RIMS2: variants seen among roughly 807,000 people sequenced by gnomAD.
RIMS2 encodes the protein regulating synaptic membrane exocytosis protein 2.
In RIMS2, 59 loss-of-function variants were observed where a neutral mutation model predicts 174.4. The observed-to-expected ratio is 0.34, with a 90% CI of 0.27 to 0.42. RIMS2 has a LOEUF of 0.42. Ranked by LOEUF, RIMS2 falls within the 10% of genes least tolerant of loss-of-function variation. The pLI is 1.00. For missense variants in RIMS2, 1,620 were observed against 1,666.3 expected (o/e 0.97, Z 0.48); for synonymous variants, 606 against 572.5 (o/e 1.06, Z -0.84).
At chr8:103,894,833 A>C (rs1390163628) in intron 4 of RIMS2, among the ~76,000 whole-genome samples, 3 of 151,512 alleles carry the variant, frequency 2.0e-5, no homozygotes, top group Non-Finnish European at 4.4e-5. Context: ...TTTGCTTCTA[A>C]AATATTTGCT....
intron 19 of RIMS2, among the ~76,000 whole-genome samples, chr8:104,053,007 A>T (rs931219179): frequency 1.3e-5 from 2 of 152,342 alleles, no homozygotes; most frequent in South Asian, 2.1e-4. Context: ...AGGACAGTGT[A>T]ATAATTTTAG....
At chr8:104,107,582 C>T (rs2131513713) in intron 19 of RIMS2, among the ~76,000 whole-genome samples, 1 of 152,248 alleles carries the variant, frequency 6.6e-6, no homozygotes, top group Non-Finnish European at 1.5e-5. Flanking sequence ...ATAGAGCTTC[C>T]AACATAGTAC....
chr8:103,509,500 G>A (rs6993717), intron 1 of RIMS2, among the ~76,000 whole-genome samples: 57,254 of 151,876 alleles, frequency 0.38, 11,136 homozygotes, highest in African/African-American at 0.4. Flanking sequence ...GGAAATATGA[G>A]TGTATTTTAG....
At chr8:103,816,515 C>T (rs936582321) in intron 3 of RIMS2, among the ~76,000 whole-genome samples, 6 of 152,082 alleles carry the variant, frequency 3.9e-5, no homozygotes, top group African/African-American at 1.4e-4. Context: ...TATATGGTCA[C>T]ATATATCAAA....
rs547458172 is a variant in RIMS2, at chr8:104,145,596, C to T, written c.3335-99320C>T. 2.6e-4 allele frequency among the ~76,000 whole-genome samples: 40 copies of T among 151,314 alleles called. No individual in the cohort carries two copies. In the South Asian group the frequency reaches 2.9e-3, roughly 11 times the overall value. ...ATCCCAGCTCTTTGGGAGACCAAGG[C>T]GGGAGCATCACCTGAGGTCAGGAGT... On this transcript the variant is annotated intron_variant, in intron 19 of 23. Transcript: ENST00000504942.
chr8:103,584,433 AAC>A (rs2093790512), intron 1 of RIMS2, among the ~76,000 whole-genome samples: 1 of 66,100 alleles, frequency 1.5e-5, no homozygotes, highest in Non-Finnish European at 2.9e-5. Flanking sequence ...TACACAGAAA[AAC>A]ACAGATTTTT....
chr8:104,205,222 G>A (rs896859367), intron 19 of RIMS2, among the ~76,000 whole-genome samples: 1 of 152,092 alleles, frequency 6.6e-6, no homozygotes, highest in African/African-American at 2.4e-5. Context: ...CTAAAGAATA[G>A]AAAAGTAAAC....
rs774687778 is a variant in RIMS2 at position 104,041,323 on chromosome 8, C to T, written c.3334+26708C>T. On this transcript the variant is annotated intron_variant, in intron 19 of 23. Coordinates refer to ENST00000504942, the Ensembl canonical transcript of RIMS2. ...GTCTGTCCATTACACGATGTGATCA[C>T]AGAAGAACTGGACTCTACAAGGAGA... is the stretch of plus-strand genomic sequence containing the variant. 2.9e-6 allele frequency: 2 copies of T among 698,222 alleles called. No individual in the cohort carries two copies. The highest frequency in any genetic ancestry group is 5.3e-6 in the Non-Finnish European group (2 of 380,176). The allele number at this position is 698,222 out of a possible 1,614,324, so 43.3% of individuals were successfully genotyped here.
At chr8:103,884,859 T>C (rs1035405778) in intron 3 of RIMS2, among the ~76,000 whole-genome samples, 2 of 151,908 alleles carry the variant, frequency 1.3e-5, no homozygotes, top group African/African-American at 2.4e-5. Context: ...AGTATTCAAC[T>C]CTTGAGCCAA....
At chr8:104,188,276 T>TAGATAGATA in intron 19 of RIMS2, among the ~76,000 whole-genome samples, 1 of 148,058 alleles carries the variant, frequency 6.8e-6, no homozygotes, top group Non-Finnish European at 1.5e-5. Context: ...GATAGATGGA[T>TAGATAGATA]GAAGTATAAA....
intron 1 of RIMS2, among the ~76,000 whole-genome samples, chr8:103,562,603 CA>C (rs1449209323): frequency 1.3e-5 from 2 of 152,142 alleles, no homozygotes; most frequent in African/African-American, 4.8e-5. Context: ...GCGGCTTTTC[CA>C]GGTGCATGGT....
chr8:103,795,241 A>G (rs974720218), intron 3 of RIMS2, among the ~76,000 whole-genome samples: 1 of 152,218 alleles, frequency 6.6e-6, no homozygotes, highest in Non-Finnish European at 1.5e-5. Flanking sequence ...ACACCTTGTA[A>G]TACTATGCAG....
intron 10 of RIMS2, among the ~76,000 whole-genome samples, chr8:103,927,003 CTG>C: frequency 6.6e-6 from 1 of 151,518 alleles, no homozygotes; most frequent in Non-Finnish European, 1.5e-5. Flanking sequence ...TAGCCCTTTT[CTG>C]TGTTTCCTCA....
rs543331557 is a variant in RIMS2, at chr8:103,700,436, A to G, written c.387+3140A>G. ...TCTGTCTCTCTCTCTATCTAGATGT[A>G]TATTTGGAAATGGAATTGCATATAT... On this transcript the variant is annotated intron_variant, in intron 2 of 23. Transcript: ENST00000504942. Among the ~76,000 whole-genome samples the G allele has an allele frequency of 1.5e-4, 23 of 151,888 alleles. No homozygotes were observed. The South Asian group carries it at 4.6e-3, about 30-fold the overall frequency.
chr8:103,612,787 G>A (rs1227106284), intron 1 of RIMS2, among the ~76,000 whole-genome samples: 2 of 152,134 alleles, frequency 1.3e-5, no homozygotes, highest in Non-Finnish European at 2.9e-5. Flanking sequence ...GGCCAGGCTG[G>A]TCTCGAACTC....
At chr8:103,773,486 T>C (rs905408136) in intron 3 of RIMS2, among the ~76,000 whole-genome samples, 3 of 152,160 alleles carry the variant, frequency 2.0e-5, no homozygotes, top group Non-Finnish European at 4.4e-5. Flanking sequence ...TCCCAGCACT[T>C]TGGAAGGCAG....
At chr8:103,929,794 T>A (rs904531771) in intron 11 of RIMS2, among the ~76,000 whole-genome samples, 1 of 152,012 alleles carries the variant, frequency 6.6e-6, no homozygotes, top group African/African-American at 2.4e-5. Context: ...CTTATCTGTA[T>A]CTATGTTCTA....
intron 3 of RIMS2, among the ~76,000 whole-genome samples, chr8:103,881,602 C>T (rs575431414): frequency 4.0e-5 from 6 of 151,482 alleles, no homozygotes; most frequent in East Asian, 3.9e-4. Context: ...GGATTTCCTA[C>T]GCAAACTATT....
intron 17 of RIMS2, among the ~76,000 whole-genome samples, chr8:103,997,593 G>A (rs2095180239): frequency 6.6e-6 from 1 of 151,618 alleles, no homozygotes; most frequent in East Asian, 1.9e-4. Flanking sequence ...AGGTAGCAAA[G>A]CCAATAGCAT....
Sources: gnomAD v4.1 joint callset for allele counts (sites outside exome capture counted in the v4.1 genomes callset) on GRCh38, gnomAD v4.1.1 for gene constraint, MANE v1.5 for transcripts, NCBI Gene and HGNC (gene_info 2026-07-23, HGNC 2026-07-21) for gene names.